The following GRIP1 variants were observed in gnomAD, a reference collection of about 807,000 sequenced individuals.
The protein encoded by GRIP1 is glutamate receptor interacting protein 1.
GRIP1 carries 45 observed loss-of-function variants against 129.9 expected under a neutral mutation model. The observed-to-expected ratio is 0.35, with a 90% CI of 0.27 to 0.44. The LOEUF (loss-of-function observed/expected upper bound fraction) is 0.44. GRIP1 is among the 20% of genes least tolerant of loss of function. The pLI, the probability that GRIP1 is intolerant of heterozygous loss-of-function variation, is 1.00. For synonymous variants in GRIP1, 530 were observed against 520.8 expected (o/e 1.02, Z -0.24); for missense variants, 1,196 against 1,396.8 (o/e 0.86, Z 2.29).
At chr12:66,539,544 GC>G (rs2061708163) in intron 3 of GRIP1, among the ~76,000 whole-genome samples, 4 of 67,692 alleles carry the variant, frequency 5.9e-5, no homozygotes, top group South Asian at 5.1e-4. Flanking sequence ...ATCAAGAGAA[GC>G]TTTTTTTTTT....
chr12:66,984,422 T>C (rs1486576851), intron 1 of GRIP1, among the ~76,000 whole-genome samples: 2 of 152,196 alleles, frequency 1.3e-5, no homozygotes, highest in East Asian at 1.9e-4. Context: ...AACAAATCTT[T>C]AGATTGTCTT....
chr12:66,812,592 G>A (rs993337952), intron 1 of GRIP1, among the ~76,000 whole-genome samples: 4 of 152,186 alleles, frequency 2.6e-5, no homozygotes, highest in Admixed American at 1.3e-4. Flanking sequence ...GTCATCATTC[G>A]CCTTGATAGT....
rs369779513 is a variant in GRIP1, at chr12:67,063,789, G to A, written c.58+5261C>T. Among the ~76,000 whole-genome samples the A allele has an allele frequency of 1.6e-4, 24 of 152,114 alleles. No homozygotes were observed. In the East Asian group the frequency reaches 1.7e-3, roughly 11 times the overall value. On this transcript the variant is annotated intron_variant, in intron 1 of 1. Coordinates refer to the GRIP1 transcript ENST00000643019. Reference sequence around the variant, plus strand: ...TTGAAATTTCTTTTTCTTCATGAACGAAACCAATCAGTTGCTGCAGAAGAA... The same window carrying A: ...TTGAAATTTCTTTTTCTTCATGAACAAAACCAATCAGTTGCTGCAGAAGAA...
At chr12:66,512,697 G>A (rs972576606) in intron 7 of GRIP1, among the ~76,000 whole-genome samples, 2 of 151,716 alleles carry the variant, frequency 1.3e-5, no homozygotes, top group African/African-American at 4.9e-5. Flanking sequence ...ATGACCATAT[G>A]AAAAAATACT....
chr12:67,032,499 T>C (rs977762171), intron 1 of GRIP1, among the ~76,000 whole-genome samples: 1 of 152,154 alleles, frequency 6.6e-6, no homozygotes, highest in Non-Finnish European at 1.5e-5. Context: ...TGTTCCTAAT[T>C]TTTTCCCCTA....
At chr12:67,054,374 T>C (rs1018445947) in intron 1 of GRIP1, among the ~76,000 whole-genome samples, 2 of 152,168 alleles carry the variant, frequency 1.3e-5, no homozygotes, top group African/African-American at 4.8e-5. Flanking sequence ...TGCTTTCAAG[T>C]GGCTTCCATT....
chr12:66,752,650 A>G (rs1016946829), intron 1 of GRIP1, among the ~76,000 whole-genome samples: 39 of 152,140 alleles, frequency 2.6e-4, no homozygotes, highest in Admixed American at 7.9e-4. Context: ...TAGCTACAGT[A>G]CCATGGGCCA....
At chr12:66,828,008 A>G (rs552473858) in intron 1 of GRIP1, among the ~76,000 whole-genome samples, 26 of 152,190 alleles carry the variant, frequency 1.7e-4, no homozygotes, top group Non-Finnish European at 3.2e-4. Flanking sequence ...TCCCACAGGA[A>G]GGAGATACAC....
intron 7 of GRIP1, among the ~76,000 whole-genome samples, chr12:66,487,419 A>C (rs1025870487): frequency 6.6e-6 from 1 of 152,192 alleles, no homozygotes; most frequent in African/African-American, 2.4e-5. Context: ...TTTTTCAGAC[A>C]AGCAAATGCT....
At chr12:66,487,884 G>T (rs570867349) in intron 7 of GRIP1, among the ~76,000 whole-genome samples, 7 of 152,002 alleles carry the variant, frequency 4.6e-5, no homozygotes, top group Non-Finnish European at 1.0e-4. Flanking sequence ...AAAAGACAAT[G>T]GGATTACATA....
chr12:66,789,087 T>C (rs1321932483), intron 1 of GRIP1, among the ~76,000 whole-genome samples: 2 of 152,214 alleles, frequency 1.3e-5, no homozygotes, highest in Non-Finnish European at 2.9e-5. Context: ...TTTCAGTATA[T>C]TCAAGGTCAC....
At chr12:66,751,732 T>C (rs550716605) in intron 1 of GRIP1, among the ~76,000 whole-genome samples, 40 of 152,184 alleles carry the variant, frequency 2.6e-4, no homozygotes, top group Non-Finnish European at 5.4e-4. Context: ...ATGAGAAACA[T>C]TTCATGGTTT....
chr12:66,746,107 G>A (rs2036936637), intron 1 of GRIP1, among the ~76,000 whole-genome samples: 1 of 152,148 alleles, frequency 6.6e-6, no homozygotes, highest in Non-Finnish European at 1.5e-5. Flanking sequence ...GAATTTGCTG[G>A]CTGCCACATC....
chr12:66,441,537 T>G (rs1184233754), intron 13 of GRIP1, among the ~76,000 whole-genome samples: 7 of 152,190 alleles, frequency 4.6e-5, no homozygotes, highest in Non-Finnish European at 1.0e-4. Flanking sequence ...CCCTTCTTTC[T>G]GCATTCCAGT....
intron 1 of GRIP1, among the ~76,000 whole-genome samples, chr12:66,604,586 G>C (rs547525034): frequency 6.6e-6 from 1 of 152,272 alleles, no homozygotes; most frequent in African/African-American, 2.4e-5. Flanking sequence ...CTTTGTGAGA[G>C]GGCTATGTGC....
intron 1 of GRIP1, among the ~76,000 whole-genome samples, chr12:66,801,876 T>A (rs1193106085): frequency 6.6e-6 from 1 of 152,144 alleles, no homozygotes; most frequent in Non-Finnish European, 1.5e-5. Flanking sequence ...ATGTAGATAG[T>A]TTTTCTAAGC....
chr12:66,766,478 C>T (rs2037641984), intron 1 of GRIP1, among the ~76,000 whole-genome samples: 1 of 152,212 alleles, frequency 6.6e-6, no homozygotes, highest in Non-Finnish European at 1.5e-5. Context: ...TTTGAGGTCA[C>T]ATGACTATGT....
intron 2 of GRIP1, among the ~76,000 whole-genome samples, chr12:66,589,361 A>C (rs1357931024): frequency 6.6e-6 from 1 of 151,792 alleles, no homozygotes; most frequent in Non-Finnish European, 1.5e-5. Context: ...GTTTCTTTTC[A>C]TTTGTTAAAA....
intron 1 of GRIP1, among the ~76,000 whole-genome samples, chr12:66,867,267 A>G (rs1252266): frequency 0.58 from 87,510 of 151,968 alleles, 25,634 homozygotes; most frequent in Admixed American, 0.64. Flanking sequence ...GGGATTACAC[A>G]TGTGAGCCAT....
Sources: gnomAD v4.1 joint callset for allele counts (sites outside exome capture counted in the v4.1 genomes callset) on GRCh38, gnomAD v4.1.1 for gene constraint, MANE v1.5 for transcripts, NCBI Gene and HGNC (gene_info 2026-07-23, HGNC 2026-07-21) for gene names.